TTC6: variants seen among roughly 807,000 people sequenced by gnomAD.
The protein encoded by TTC6 is tetratricopeptide repeat protein 6.
In TTC6, 172 loss-of-function variants were observed where a neutral mutation model predicts 210.4. That is an observed-to-expected ratio of 0.82 (90% CI 0.72 to 0.93). TTC6 has a LOEUF of 0.93. TTC6 is among the 40% of genes least tolerant of loss of function. The pLI is 0.00. For missense variants in TTC6, 2,414 were observed against 2,318.1 expected (o/e 1.04, Z -0.85); for synonymous variants, 804 against 819.6 (o/e 0.98, Z 0.32).
intron 1 of TTC6, among the ~76,000 whole-genome samples, chr14:37,676,148 A>G (rs1164525899): frequency 6.6e-6 from 1 of 152,034 alleles, no homozygotes; most frequent in Admixed American, 6.6e-5. Context: ...CTTTTCTTGT[A>G]TGGGAAATGC....
chr14:37,706,865 G>A (rs1378271067), intron 5 of TTC6, among the ~76,000 whole-genome samples: 1 of 151,890 alleles, frequency 6.6e-6, no homozygotes, highest in Non-Finnish European at 1.5e-5. Flanking sequence ...CTTGTAGATT[G>A]CATAGACTTA....
chr14:37,748,812 G>A (rs899217025), intron 10 of TTC6, 127 bp from the exon 13 acceptor site: 83 of 660,916 alleles, frequency 1.3e-4, no homozygotes, highest in South Asian at 6.6e-4. Flanking sequence ...GAGAACTTGC[G>A]CATAAAATTA....
chr14:37,633,136 C>G (rs2095673291), intron 1 of TTC6, among the ~76,000 whole-genome samples: 1 of 152,136 alleles, frequency 6.6e-6, no homozygotes, highest in African/African-American at 2.4e-5. Flanking sequence ...GTGAACTGTT[C>G]TGTCTTGCTG....
intron 3 of TTC6, among the ~76,000 whole-genome samples, chr14:37,692,208 CAAAAAAA>C (rs3062759): frequency 1.5e-4 from 6 of 40,154 alleles, no homozygotes; most frequent in Non-Finnish European, 1.9e-4. Context: ...AAAGACACAC[CAAAAAAA>C]AAAAAAAAAA....
chr14:37,712,833 T>G (rs2095846744), intron 5 of TTC6, among the ~76,000 whole-genome samples: 1 of 152,036 alleles, frequency 6.6e-6, no homozygotes, highest in African/African-American at 2.4e-5. Context: ...GAGATTTGGG[T>G]GGGGACACAG....
At chr14:37,832,329 CTTTTTTTT>C (rs58133834) in intron 29 of TTC6, among the ~76,000 whole-genome samples, 9 of 68,916 alleles carry the variant, frequency 1.3e-4, no homozygotes, top group East Asian at 9.7e-4. Flanking sequence ...TTCTTTCTCT[CTTTTTTTT>C]TTTTTTTTTT....
At chr14:37,787,779 C>G (rs1052419654) in intron 15 of TTC6, 142 bp downstream of exon 17, 12 of 564,360 alleles carry the variant, frequency 2.1e-5, no homozygotes, top group African/African-American at 3.7e-5. Context: ...GTATATATTA[C>G]ATGAGCTTAC....
intron 1 of TTC6, among the ~76,000 whole-genome samples, chr14:37,629,142 G>A (rs1245155544): frequency 2.6e-5 from 4 of 152,170 alleles, no homozygotes; most frequent in African/African-American, 9.7e-5. Context: ...GTTCTTTGAA[G>A]AAAGTCAGTG....
intron 14 of TTC6, among the ~76,000 whole-genome samples, chr14:37,758,734 C>T (rs1191813198): frequency 6.6e-6 from 1 of 152,108 alleles, no homozygotes; most frequent in Non-Finnish European, 1.5e-5. Flanking sequence ...CATCATGATG[C>T]TAGCTGGTTA....
At chr14:37,747,449 A>G (rs2095939465) in intron 10 of TTC6, among the ~76,000 whole-genome samples, 1 of 152,214 alleles carries the variant, frequency 6.6e-6, no homozygotes, top group African/African-American at 2.4e-5. Context: ...TTCTACTCCT[A>G]AGTTTGAGAG....
intron 10 of TTC6, among the ~76,000 whole-genome samples, chr14:37,746,836 T>C (rs2095937597): frequency 6.6e-6 from 1 of 152,142 alleles, no homozygotes; most frequent in Non-Finnish European, 1.5e-5. Flanking sequence ...AGTTGGGGTA[T>C]CTGACAATTC....
At chr14:37,737,500 C>G (rs1315175620) in intron 8 of TTC6, among the ~76,000 whole-genome samples, 160 bp from the exon 11 acceptor site, 1 of 152,086 alleles carries the variant, frequency 6.6e-6, no homozygotes, top group Non-Finnish European at 1.5e-5. Context: ...TTCTCTTCCT[C>G]TATATAAAGT....
rs533997958 is a variant in TTC6, at chr14:37,757,035, T to C, written c.3266+3800T>C. 2.0e-5 allele frequency among the ~76,000 whole-genome samples: 3 copies of C among 152,292 alleles called. No homozygotes were observed. In the South Asian group the frequency reaches 6.2e-4, roughly 32 times the overall value. On this transcript the variant is annotated intron_variant, in intron 14 of 30. Transcript: ENST00000553443. ...ACTGCCTGAATTTCAGAACTTGTTATTGGTCTATTCAGGGATTCGATTTCT... is the reference window on the plus strand; with the variant it reads ...ACTGCCTGAATTTCAGAACTTGTTACTGGTCTATTCAGGGATTCGATTTCT...
chr14:37,754,611 T>A (rs546904700), intron 14 of TTC6, among the ~76,000 whole-genome samples: 2 of 152,198 alleles, frequency 1.3e-5, no homozygotes, highest in South Asian at 4.2e-4. Flanking sequence ...TGTTGTATTT[T>A]TAGTAGAGAC....
chr14:37,808,926 CAATA>C, intron 24 of TTC6, 80 bp downstream of exon 26: 1 of 702,584 alleles, frequency 1.4e-6, no homozygotes, highest in Non-Finnish European at 2.4e-6. Flanking sequence ...GGATTTCAAT[CAATA>C]AATATTTAAT....
intron 15 of TTC6, 99 bp downstream of exon 17, chr14:37,787,736 A>G (rs568007246): frequency 5.3e-6 from 5 of 941,680 alleles, no homozygotes; most frequent in Non-Finnish European, 7.3e-6. Context: ...CTAATGTAAT[A>G]TGTATACTAC....
chr14:37,607,337 C>T (rs2095626913), intron 2 of TTC6, among the ~76,000 whole-genome samples: 1 of 152,184 alleles, frequency 6.6e-6, no homozygotes, highest in African/African-American at 2.4e-5. Flanking sequence ...ATCTCTAGAA[C>T]ATTAAGTCTA....
At chr14:37,788,867 A>G (rs1246618863) in intron 15 of TTC6, among the ~76,000 whole-genome samples, 1 of 152,146 alleles carries the variant, frequency 6.6e-6, no homozygotes, top group African/African-American at 2.4e-5. Flanking sequence ...ATCTGGCTCT[A>G]TCAGCCCTAT....
rs929152628 is a variant in TTC6, at chr14:37,792,428, G to A, written c.3708+14G>A. 72 of 1,451,950 alleles carry A rather than the reference G, an allele frequency of 5.0e-5. No individual in the cohort carries two copies. Among genetic ancestry groups the A allele is most frequent in the Non-Finnish European group, 5.8e-5 (65 of 1,111,372 alleles). 89.9% of individuals were successfully genotyped at this position (1,451,950 alleles called of 1,614,324 possible). On this transcript the variant is annotated intron_variant, in intron 17 of 30. Coordinates refer to ENST00000553443, the Ensembl canonical transcript of TTC6. ...ACCTATTTTAAGGTATTTAAGGCTC[G>A]AGAACCTTGATTTTTTTAAAAAAAC...
Sources: allele counts gnomAD v4.1 joint callset (sites outside exome capture counted in the v4.1 genomes callset), GRCh38; gene constraint gnomAD v4.1.1; transcripts MANE v1.5; gene names NCBI Gene and HGNC (gene_info 2026-07-23, HGNC 2026-07-21).